The following RARB variants were observed in gnomAD, a reference collection of about 807,000 sequenced individuals.
The protein encoded by RARB is retinoic acid receptor beta.
Under a neutral mutation model 51.9 loss-of-function variants are expected in RARB, and 17 were observed. The observed-to-expected ratio is 0.33, with a 90% CI of 0.22 to 0.49. The LOEUF is 0.49. Ranked by LOEUF, RARB falls within the 20% of genes least tolerant of loss-of-function variation. The pLI, the probability that RARB is intolerant of heterozygous loss-of-function variation, is 0.99. For missense variants in RARB, 369 were observed against 550.8 expected (o/e 0.67, Z 3.30); for synonymous variants, 215 against 195.4 (o/e 1.10, Z -0.84).
At chr3:25,351,074 A>G (rs1705554659) in intron 5 of RARB, among the ~76,000 whole-genome samples, 1 of 152,196 alleles carries the variant, frequency 6.6e-6, no homozygotes, top group South Asian at 2.1e-4. Context: ...AGGAATAAGC[A>G]TCTGGTGCAG....
intron 4 of RARB, among the ~76,000 whole-genome samples, chr3:25,141,771 A>G (rs1193322238): frequency 6.6e-6 from 1 of 152,186 alleles, no homozygotes; most frequent in East Asian, 1.9e-4. Flanking sequence ...AGAAGTATAA[A>G]TCAGTTTGGT....
intron 2 of RARB, among the ~76,000 whole-genome samples, chr3:25,043,871 A>G (rs1559445428): frequency 6.6e-6 from 1 of 152,208 alleles, no homozygotes; most frequent in East Asian, 1.9e-4. Flanking sequence ...GAGAATTAAT[A>G]GCACTTTATT....
chr3:25,144,943 A>G lies in RARB; in HGVS notation c.-280+12735A>G, dbSNP rs192473198. The stretch of plus-strand genomic sequence containing the variant: ...TAGCACTTCAGCATACAGTATGCCT[A>G]ACTTTCATAATTTACAACATTTTGG... On this transcript the variant is annotated intron_variant, in intron 4 of 11. Transcript: ENST00000383772. Among the ~76,000 whole-genome samples the G allele has an allele frequency of 1.2e-3, 184 of 152,288 alleles. 1 individual carries two copies. Among genetic ancestry groups the G allele is most frequent in the African/African-American group, 4.4e-3 (183 of 41,556 alleles).
At chr3:25,275,981 G>A (rs553109188) in intron 5 of RARB, among the ~76,000 whole-genome samples, 2 of 152,296 alleles carry the variant, frequency 1.3e-5, no homozygotes, top group African/African-American at 4.8e-5. Context: ...GAGCAGCAAG[G>A]TAAGAGCCAA....
chr3:24,838,926 G>GGT (rs1219352306), intron 1 of RARB, among the ~76,000 whole-genome samples: 1 of 94,724 alleles, frequency 1.1e-5, no homozygotes, highest in South Asian at 3.0e-4. Flanking sequence ...AAAATCTCCA[G>GGT]GTTTTTTTTT....
At chr3:25,079,156 G>A (rs1320188490) in intron 3 of RARB, among the ~76,000 whole-genome samples, 1 of 151,884 alleles carries the variant, frequency 6.6e-6, no homozygotes, top group East Asian at 1.9e-4. Context: ...CTTGTCAACA[G>A]TATTGTATTT....
intron 1 of RARB, among the ~76,000 whole-genome samples, chr3:25,454,384 C>G (rs1054771292): frequency 3.3e-5 from 5 of 152,228 alleles, no homozygotes; most frequent in South Asian, 2.1e-4. Context: ...TTTGACCAAA[C>G]GCAACTTTGC....
intron 3 of RARB, among the ~76,000 whole-genome samples, chr3:25,103,775 T>C (rs1481325593): frequency 2.0e-5 from 3 of 152,250 alleles, no homozygotes; most frequent in African/African-American, 7.2e-5. Context: ...AATGGGGTTC[T>C]TATTTTCCTC....
At chr3:25,424,762 G>A (rs1480071165), upstream of RARB, among the ~76,000 whole-genome samples, 1 of 152,148 alleles carries the variant, frequency 6.6e-6, no homozygotes, top group Non-Finnish European at 1.5e-5. Context: ...ACAGCCGGCT[G>A]CAGTACGGTG....
At chr3:25,292,047 CT>C (rs35112634) in intron 5 of RARB, among the ~76,000 whole-genome samples, 75 of 147,324 alleles carry the variant, frequency 5.1e-4, no homozygotes, top group Middle Eastern at 7.0e-3. Context: ...CTTCCTCCCA[CT>C]TTTTTTTTTT....
At chr3:25,446,513 TA>T (rs1708938483) in intron 1 of RARB, among the ~76,000 whole-genome samples, 2 of 151,968 alleles carry the variant, frequency 1.3e-5, no homozygotes, top group African/African-American at 4.8e-5. Flanking sequence ...CTTAAAACAT[TA>T]AAAAATGGGC....
At position 25,195,623 on chromosome 3, in the gene RARB, C is replaced by T. The variant is rs566885111; in HGVS notation, c.178+21048C>T. ...TTCAATGAGTTTAAAATTCTTGTTA[C>T]AGAACAAAGGTGCATTGAAAAATTA... On this transcript the variant is annotated intron_variant, in intron 5 of 11. Coordinates refer to the RARB transcript ENST00000383772. Among the ~76,000 whole-genome samples, 6 of 152,032 alleles carry T rather than the reference C, an allele frequency of 3.9e-5. No individual in the cohort carries two copies. The East Asian group carries it at 1.2e-3, about 29-fold the overall frequency.
At chr3:25,452,666 G>A (rs912324383) in intron 1 of RARB, among the ~76,000 whole-genome samples, 44 of 31,874 alleles carry the variant, frequency 1.4e-3, no homozygotes, top group African/African-American at 0.012. Flanking sequence ...TTAAAAAGCG[G>A]GGGGGGTTTG....
chr3:24,857,284 T>C (rs572678261), intron 1 of RARB, among the ~76,000 whole-genome samples: 2 of 152,162 alleles, frequency 1.3e-5, no homozygotes, highest in Non-Finnish European at 2.9e-5. Flanking sequence ...TGGAGTCTGT[T>C]CCAAAGTTTT....
At chr3:25,237,580 T>C (rs1702333483) in intron 5 of RARB, among the ~76,000 whole-genome samples, 1 of 152,174 alleles carries the variant, frequency 6.6e-6, no homozygotes, top group South Asian at 2.1e-4. Flanking sequence ...ATAACAGCTT[T>C]ATTGAGATTT....
intron 2 of RARB, among the ~76,000 whole-genome samples, chr3:25,050,155 G>A (rs1157223160): frequency 1.3e-5 from 2 of 152,184 alleles, no homozygotes; most frequent in Non-Finnish European, 2.9e-5. Flanking sequence ...TTGGAGTTTT[G>A]TGTGACAACA....
chr3:25,161,045 C>T (rs1700464939), intron 4 of RARB, among the ~76,000 whole-genome samples: 2 of 152,144 alleles, frequency 1.3e-5, no homozygotes, highest in East Asian at 1.9e-4. Context: ...TGGAGTCTTG[C>T]TCCGTCGCCC....
intron 2 of RARB, among the ~76,000 whole-genome samples, chr3:24,907,529 T>C (rs1694892582): frequency 6.6e-6 from 1 of 152,172 alleles, no homozygotes; most frequent in African/African-American, 2.4e-5. Flanking sequence ...TCAGACTAAC[T>C]CCAAAGCATC....
chr3:25,209,186 G>A (rs765407328), intron 5 of RARB, among the ~76,000 whole-genome samples: 1 of 152,138 alleles, frequency 6.6e-6, no homozygotes, highest in Admixed American at 6.5e-5. Context: ...ACCCTTCGTC[G>A]GTCAGTTGGA....
Sources: gnomAD v4.1 joint callset for allele counts (sites outside exome capture counted in the v4.1 genomes callset) on GRCh38, gnomAD v4.1.1 for gene constraint, MANE v1.5 for transcripts, NCBI Gene and HGNC (gene_info 2026-07-23, HGNC 2026-07-21) for gene names.